Variants in ZNF185 observed in about 807,000 individuals in gnomAD.
ZNF185 encodes the protein zinc finger protein 185 with LIM domain.
A neutral mutation model predicts 58.6 loss-of-function variants in ZNF185; 56 were observed. The ratio of observed to expected loss-of-function variants is 0.95; its 90% CI spans 0.77 to 1.19. The LOEUF (loss-of-function observed/expected upper bound fraction) is 1.19, where lower values mean the gene tolerates loss of function less well. ZNF185 is among the 50% of genes most tolerant of loss of function. The pLI is 0.00. For synonymous variants in ZNF185, 230 were observed against 215.9 expected (o/e 1.07, Z -0.57); for missense variants, 627 against 573.5 (o/e 1.09, Z -0.95).
exon 21 of ZNF185, chrX:152,969,466 C>T (rs1556917409): frequency 8.3e-7 from 1 of 1,204,070 alleles, no homozygotes; most frequent in African/African-American, 1.7e-5. Flanking sequence ...GTATCTGCTG[C>T]CATGAATATT....
chrX:152,915,035 A>G, intron 2 of ZNF185, 103 bp from the exon 4 acceptor site: 1 of 1,047,881 alleles, frequency 9.5e-7, no homozygotes, highest in Non-Finnish European at 1.3e-6. Context: ...AATGTGTGGC[A>G]GAAATGGCAG....
the ZNF185 span, among the ~76,000 whole-genome samples, chrX:152,907,871 T>C: frequency 8.9e-6 from 1 of 112,627 alleles, no homozygotes. Flanking sequence ...ATATGGAGAT[T>C]TCCAAAAAAC....
chrX:152,908,113 G>C, the ZNF185 span, among the ~76,000 whole-genome samples: 77 of 112,636 alleles, frequency 6.8e-4, no homozygotes, highest in African/African-American at 1.9e-3. Flanking sequence ...TCGGAGAGTG[G>C]GATGTCACAG....
chrX:152,906,975 C>T, the ZNF185 span, among the ~76,000 whole-genome samples: 1 of 111,027 alleles, frequency 9.0e-6, no homozygotes, highest in Non-Finnish European at 1.9e-5. Flanking sequence ...CCCTGCCTGG[C>T]GTCCTACTTC....
At chrX:152,937,751 C>T (rs1190800337) in intron 14 of ZNF185, among the ~76,000 whole-genome samples, 10 of 112,545 alleles carry the variant, frequency 8.9e-5, no homozygotes, top group Non-Finnish European at 1.9e-5. Context: ...GGATATCCCC[C>T]TCTGCCTATT....
At chrX:152,899,128 A>G in the ZNF185 span, among the ~76,000 whole-genome samples, 1,415 of 112,294 alleles carry the variant, frequency 0.013, 15 homozygotes, top group African/African-American at 0.027. Context: ...CCTTGGCATC[A>G]TGGGAGGCCC....
chrX:152,920,580 C>T (rs1273577936), intron 8 of ZNF185, 127 bp from the exon 10 acceptor site: 11 of 995,272 alleles, frequency 1.1e-5, no homozygotes, highest in African/African-American at 9.5e-5. Flanking sequence ...AGAGGTCTGG[C>T]GGCTACCACC....
intron 16 of ZNF185, among the ~76,000 whole-genome samples, chrX:152,947,244 G>A (rs1329637096): frequency 1.8e-5 from 2 of 111,030 alleles, no homozygotes; most frequent in Non-Finnish European, 3.8e-5. Flanking sequence ...TTAGCCAGGT[G>A]TGGTGGCACA....
intron 15 of ZNF185, chrX:152,941,742 G>T: frequency 8.6e-7 from 1 of 1,165,062 alleles, no homozygotes; most frequent in South Asian, 1.9e-5. Context: ...CCTCGGCGGG[G>T]ATTCTCTTGA....
At chrX:152,917,154 C>T (rs1443708331) in exon 4 of ZNF185, 1 of 1,211,661 alleles carries the variant, frequency 8.3e-7, no homozygotes, top group Non-Finnish European at 1.1e-6. Context: ...AGGGCTCCCA[C>T]TGGCTACATC....
rs1939110590 is a variant in ZNF185 at position 152,918,921 on chromosome X, C to T, written c.432-62C>T. 4 of 911,015 alleles carry T rather than the reference C, an allele frequency of 4.4e-6. No individual in the cohort carries two copies. In the Admixed American group the frequency reaches 7.4e-5, roughly 17 times the overall value. The allele number at this position is 911,015 out of a possible 1,213,427, so 75.1% of individuals were successfully genotyped here. A position where few individuals can be genotyped will look rare whatever the true frequency, so the allele number is the denominator to read the frequency against. Reference sequence around the variant, plus strand: ...TTGCCTCGTCATTGTTGTTGAAAGCCAGGAAGCCAAGCTGCTGAGGGTGGC... The same window carrying T: ...TTGCCTCGTCATTGTTGTTGAAAGCTAGGAAGCCAAGCTGCTGAGGGTGGC... On this transcript the variant is annotated intron_variant, in intron 6 of 22. Coordinates refer to ENST00000449285, the Ensembl canonical transcript of ZNF185.
At position 152,945,575 on chromosome X, in the gene ZNF185, G is replaced by A. The variant is rs2047703329; in HGVS notation, c.1409+111G>A. On this transcript the variant is annotated intron_variant, in intron 16 of 22. Coordinates refer to ENST00000449285, the Ensembl canonical transcript of ZNF185. Reference sequence around the variant, plus strand: ...ACCCTGTGCCAATACCCGACACATTGCACACCCAGGCTCCTGTTCTGTGAG... The same window carrying A: ...ACCCTGTGCCAATACCCGACACATTACACACCCAGGCTCCTGTTCTGTGAG... 3.5e-6 allele frequency: 3 copies of A among 848,017 alleles called. No homozygotes were observed. The East Asian group carries it at 1.0e-4, about 29-fold the overall frequency. 69.9% of individuals were successfully genotyped at this position (848,017 alleles called of 1,213,427 possible). A position where few individuals can be genotyped will look rare whatever the true frequency, so the allele number is the denominator to read the frequency against.
At chrX:152,934,276 G>A (rs1350474680) in intron 14 of ZNF185, among the ~76,000 whole-genome samples, 1 of 112,210 alleles carries the variant, frequency 8.9e-6, no homozygotes, top group Non-Finnish European at 1.9e-5. Flanking sequence ...CCCCACAGTG[G>A]TGCAGCTTGA....
chrX:152,945,510 T>C lies in ZNF185; in HGVS notation c.1409+46T>C. On this transcript the variant is annotated intron_variant, in intron 16 of 22. Transcript: ENST00000449285. Reference sequence around the variant, plus strand: ...GGCTCTGCCTCTGGAGCCCATGTTTTTGTTGAGGTCTGCGACCCACATGGG... The same window carrying C: ...GGCTCTGCCTCTGGAGCCCATGTTTCTGTTGAGGTCTGCGACCCACATGGG... 2.6e-6 allele frequency: 3 copies of C among 1,150,911 alleles called. No homozygotes were observed. The East Asian group carries it at 9.6e-5, about 37-fold the overall frequency. 94.8% of individuals were successfully genotyped at this position (1,150,911 alleles called of 1,213,427 possible). A position where few individuals can be genotyped will look rare whatever the true frequency, so the allele number is the denominator to read the frequency against.
intron 21 of ZNF185, 58 bp from the exon 24 acceptor site, chrX:152,970,385 C>A: frequency 9.0e-7 from 1 of 1,107,609 alleles, no homozygotes; most frequent in Non-Finnish European, 1.2e-6. Flanking sequence ...CCTTCCCACT[C>A]CACTCATTCC....
chrX:152,914,623 G>A, intron 1 of ZNF185, 87 bp from the exon 3 acceptor site: 2 of 1,164,887 alleles, frequency 1.7e-6, no homozygotes, highest in Non-Finnish European at 1.1e-6. Context: ...AGCAAAGGGA[G>A]AGCAGCATAC....
At chrX:152,907,037 G>A in the ZNF185 span, among the ~76,000 whole-genome samples, 14 of 111,342 alleles carry the variant, frequency 1.3e-4, no homozygotes, top group African/African-American at 3.9e-4. Flanking sequence ...CAGCTTCTCT[G>A]GGAGGTGCCG....
rs782807316 is a variant in ZNF185 at position 152,936,494 on chromosome X, C to G, written c.1122-1580C>G. The G allele has an allele frequency of 9.0e-5, 105 of 1,164,840 alleles. No homozygotes were observed. The highest frequency in any genetic ancestry group is 1.1e-4 in the Non-Finnish European group (99 of 872,548). On this transcript the variant is annotated intron_variant, in intron 14 of 22. Coordinates refer to ENST00000449285, the Ensembl canonical transcript of ZNF185. Reference sequence around the variant, plus strand: ...CAGTGCCAACTCTCAGTCCTGCAAGCCTAGACCAGCAGCCATCAGGTAAGG... The same window carrying G: ...CAGTGCCAACTCTCAGTCCTGCAAGGCTAGACCAGCAGCCATCAGGTAAGG...
intron 15 of ZNF185, among the ~76,000 whole-genome samples, chrX:152,943,762 T>G (rs781827631): frequency 8.8e-5 from 10 of 113,016 alleles, no homozygotes; most frequent in Non-Finnish European, 1.9e-4. Context: ...GAGGGCAACC[T>G]CTACTAGTGT....
Sources: allele counts gnomAD v4.1 joint callset (sites outside exome capture counted in the v4.1 genomes callset), GRCh38; gene constraint gnomAD v4.1.1; transcripts MANE v1.5; gene names NCBI Gene and HGNC (gene_info 2026-07-23, HGNC 2026-07-21).